Variants in PTPRD observed in about 807,000 individuals in gnomAD.
PTPRD encodes protein tyrosine phosphatase receptor type D.
PTPRD carries 34 observed loss-of-function variants against 214.5 expected under a neutral mutation model. That is an observed-to-expected ratio of 0.16 (90% CI 0.12 to 0.21). The LOEUF (loss-of-function observed/expected upper bound fraction) is 0.21, where lower values mean the gene tolerates loss of function less well. PTPRD is among the 10% of genes least tolerant of loss of function. The pLI is 1.00. For synonymous variants in PTPRD, 1,128 were observed against 845.7 expected (o/e 1.33, Z -5.79); for missense variants, 2,545 against 2,398.7 (o/e 1.06, Z -1.27).
chr9:10,492,340 G>C (rs889546130), intron 2 of PTPRD, among the ~76,000 whole-genome samples: 3 of 151,994 alleles, frequency 2.0e-5, no homozygotes, highest in African/African-American at 7.2e-5. Flanking sequence ...CAGTGTAAAA[G>C]TGTTCCTATT....
chr9:8,612,647 G>T (rs2095490541), intron 14 of PTPRD, among the ~76,000 whole-genome samples: 1 of 152,178 alleles, frequency 6.6e-6, no homozygotes, highest in African/African-American at 2.4e-5. Context: ...GAGAAGGATG[G>T]CGGTACTATT....
At position 10,343,978 on chromosome 9, in the gene PTPRD, GTTTTTTTTTTTTTT is replaced by G. The variant is rs139613939; in HGVS notation, c.-599-2975_-599-2962del. ...AGGTTGCCTGTTCATTCTGATGGTA[GTTTTTTTTTTTTTT>G]TTTTTTTTTTTTTTTGCTGTGCAGA... On this transcript the variant is annotated intron_variant, in intron 2 of 45. Transcript: ENST00000381196. 3.8e-4 allele frequency among the ~76,000 whole-genome samples: 12 copies of G among 31,680 alleles called. No individual in the cohort carries two copies. The East Asian group carries it at 7.3e-3, about 19-fold the overall frequency. 20.8% of individuals were successfully genotyped at this position (31,680 alleles called of 152,430 possible). A position where few individuals can be genotyped will look rare whatever the true frequency, so the allele number is the denominator to read the frequency against.
chr9:10,146,150 C>CATATATATATATATATATATAT (rs56191246), intron 3 of PTPRD, among the ~76,000 whole-genome samples: 4 of 147,322 alleles, frequency 2.7e-5, no homozygotes, highest in African/African-American at 1.0e-4. Flanking sequence ...TGAAATCATC[C>CATATATATATATATATATATAT]ATATATATAT....
intron 5 of PTPRD, among the ~76,000 whole-genome samples, chr9:9,922,413 T>C (rs539903694): frequency 5.9e-5 from 9 of 152,210 alleles, no homozygotes; most frequent in African/African-American, 1.9e-4. Flanking sequence ...CCCTTTTTGG[T>C]TTCTAGAACA....
At chr9:8,732,924 C>G (rs2098675644) in intron 12 of PTPRD, among the ~76,000 whole-genome samples, 1 of 152,276 alleles carries the variant, frequency 6.6e-6, no homozygotes, top group East Asian at 1.9e-4. Context: ...TTTACTCATA[C>G]TAGGTGATTC....
At chr9:9,074,892 G>A (rs2099748786) in intron 10 of PTPRD, among the ~76,000 whole-genome samples, 1 of 151,324 alleles carries the variant, frequency 6.6e-6, no homozygotes, top group African/African-American at 2.4e-5. Flanking sequence ...ATTTAGTTTG[G>A]GAGGTATTTT....
intron 4 of PTPRD, among the ~76,000 whole-genome samples, chr9:9,971,582 AT>A (rs1190480588): frequency 6.6e-6 from 1 of 152,148 alleles, no homozygotes; most frequent in Non-Finnish European, 1.5e-5. Flanking sequence ...GATTCAATTA[AT>A]TTATGTTGGA....
intron 8 of PTPRD, among the ~76,000 whole-genome samples, chr9:9,547,694 A>G (rs528766445): frequency 1.3e-5 from 2 of 152,140 alleles, no homozygotes; most frequent in South Asian, 4.1e-4. Flanking sequence ...AATCCAAAAG[A>G]AAAAGTATTT....
rs748103853 is a variant in PTPRD at position 9,176,711 on chromosome 9, C to A, written c.-143+6593G>T. Among the ~76,000 whole-genome samples, 7 of 152,184 alleles carry A rather than the reference C, an allele frequency of 4.6e-5. No homozygotes were observed. The South Asian group carries it at 1.2e-3, about 27-fold the overall frequency. ...CCTGATGAAAGAATAAGTTCTGTCC[C>A]CATTTACTCTTTCAGTCTCATGAAA... On this transcript the variant is annotated intron_variant, in intron 10 of 45. Transcript: ENST00000381196.
chr9:8,341,760 G>A lies in PTPRD; in HGVS notation c.4880C>T (p.Ala1627Val), dbSNP rs1454281288. 1 of 1,613,382 alleles carries A rather than the reference G, an allele frequency of 6.2e-7. No homozygotes were observed. Among genetic ancestry groups the A allele is most frequent in the Non-Finnish European group, 8.5e-7 (1 of 1,179,704 alleles). The change falls in exon 40 of 46, where the codon GCC becomes GTC. Residue 1627 changes from alanine (A) to valine (V), a missense_variant. Transcript: ENST00000381196. ...TATTTGTGTCAGCTTCTGAATGTAG[G>A]CATACAAGTTTCTAGCTGGCACTTC... ...NTEVPARNLY[A>V]YIQKLTQIET... is the part of the protein sequence containing the mutation.
At chr9:8,991,433 T>G (rs1469898792) in intron 11 of PTPRD, among the ~76,000 whole-genome samples, 3 of 152,138 alleles carry the variant, frequency 2.0e-5, no homozygotes, top group Non-Finnish European at 2.9e-5. Context: ...AATATTTTTA[T>G]GAATAAATCC....
intron 5 of PTPRD, among the ~76,000 whole-genome samples, chr9:9,795,970 T>C (rs1017667796): frequency 1.3e-5 from 2 of 152,128 alleles, no homozygotes; most frequent in Admixed American, 1.3e-4. Context: ...TCAATGACTA[T>C]GCACCACCGT....
intron 7 of PTPRD, among the ~76,000 whole-genome samples, chr9:9,607,358 T>C (rs1399875240): frequency 2.0e-5 from 3 of 152,144 alleles, no homozygotes; most frequent in Admixed American, 2.0e-4. Flanking sequence ...TTTTAGTTCA[T>C]ACTATGCACT....
At chr9:10,431,793 C>T (rs935436450) in intron 2 of PTPRD, among the ~76,000 whole-genome samples, 16 of 151,976 alleles carry the variant, frequency 1.1e-4, no homozygotes, top group African/African-American at 3.9e-4. Flanking sequence ...ATAACAGGTG[C>T]TGGAGAGGAT....
chr9:8,642,742 C>T (rs2096605021), intron 12 of PTPRD, among the ~76,000 whole-genome samples: 1 of 152,192 alleles, frequency 6.6e-6, no homozygotes, highest in African/African-American at 2.4e-5. Context: ...CTTCCAGCCA[C>T]AGCACATCCT....
At chr9:10,379,168 T>C (rs1586708515) in intron 2 of PTPRD, among the ~76,000 whole-genome samples, 1 of 151,872 alleles carries the variant, frequency 6.6e-6, no homozygotes, top group Non-Finnish European at 1.5e-5. Flanking sequence ...ATTTTACTAT[T>C]ATTATACTTT....
intron 2 of PTPRD, among the ~76,000 whole-genome samples, chr9:10,407,981 T>C (rs949599183): frequency 1.3e-5 from 2 of 151,604 alleles, no homozygotes; most frequent in East Asian, 3.9e-4. Flanking sequence ...ATCTAATATG[T>C]TACATGTAAG....
At chr9:9,208,601 A>C (rs2099946486) in intron 9 of PTPRD, among the ~76,000 whole-genome samples, 1 of 152,074 alleles carries the variant, frequency 6.6e-6, no homozygotes, top group South Asian at 2.1e-4. Flanking sequence ...ATAGAAAATA[A>C]GGGGAACATA....
At chr9:9,640,821 T>C (rs1382091702) in intron 7 of PTPRD, among the ~76,000 whole-genome samples, 1 of 152,326 alleles carries the variant, frequency 6.6e-6, no homozygotes, top group East Asian at 1.9e-4. Context: ...AGGCCATCTA[T>C]CCAATCCTGT....
Sources: gnomAD v4.1 joint callset for allele counts (sites outside exome capture counted in the v4.1 genomes callset) on GRCh38, gnomAD v4.1.1 for gene constraint, MANE v1.5 for transcripts, NCBI Gene and HGNC (gene_info 2026-07-23, HGNC 2026-07-21) for gene names.